TNFRSF21: variants seen among roughly 807,000 people sequenced by gnomAD.
The protein encoded by TNFRSF21 is TNF receptor superfamily member 21.
A neutral mutation model predicts 45.6 loss-of-function variants in TNFRSF21; 19 were observed. That is an observed-to-expected ratio of 0.42 (90% confidence interval 0.29 to 0.61). The LOEUF is 0.61. Among genes scored for constraint, TNFRSF21 ranks in the 20% least tolerant of loss-of-function variants. The pLI is 0.23. For missense variants in TNFRSF21, 737 were observed against 851.5 expected, an observed-to-expected ratio of 0.87 and a Z score of 1.67; for synonymous variants, 314 against 335.5, an observed-to-expected ratio of 0.94 and a Z score of 0.70.
chr6:47,288,558 C>A (rs149942883), intron 1 of TNFRSF21, among the ~76,000 whole-genome samples: 12 of 147,878 alleles, frequency 8.1e-5, no homozygotes, highest in African/African-American at 3.1e-4. Flanking sequence ...AAAAATAAAG[C>A]GGTAGAAACA....
intron 3 of TNFRSF21, among the ~76,000 whole-genome samples, chr6:47,265,909 T>C (rs1237705010): frequency 6.6e-6 from 1 of 152,210 alleles, no homozygotes. Flanking sequence ...CCTAACACAC[T>C]TGATTTGTTC....
intron 3 of TNFRSF21, among the ~76,000 whole-genome samples, chr6:47,276,315 A>C (rs1762497871): frequency 6.6e-6 from 1 of 152,198 alleles, no homozygotes; most frequent in Non-Finnish European, 1.5e-5. Flanking sequence ...GAGAAAATAC[A>C]AGGACAGCTG....
Position 47,232,796 on chromosome 6 carries a change from G to A in TNFRSF21, c.1937C>T (p.Ser646Phe). 1 of 1,614,138 alleles carries A rather than the reference G, an allele frequency of 6.2e-7. No homozygotes were observed. The highest frequency in any genetic ancestry group is 1.1e-5 in the South Asian group (1 of 91,078). Reference protein sequence around the residue: ...SQEASQTLLDSVYSHLPDLL With the variant: ...SQEASQTLLDFVYSHLPDLL ...CAGGTCAGGAAGATGGCTATAAACAGAGTCCAGGAGGGTCTGGCTGGCTTC... is the reference window on the plus strand; with the variant it reads ...CAGGTCAGGAAGATGGCTATAAACAAAGTCCAGGAGGGTCTGGCTGGCTTC... Residue 646 changes from serine (S) to phenylalanine (F), a missense_variant, in exon 6 of 6, where the codon TCT becomes TTT. Ser to Phe is a radical substitution (Grantham distance 155, BLOSUM62 -2). Coordinates refer to ENST00000296861, the MANE Select transcript of TNFRSF21 (RefSeq NM_014452.5).
intron 3 of TNFRSF21, among the ~76,000 whole-genome samples, chr6:47,259,579 T>C (rs9369671): frequency 0.087 from 13,262 of 152,224 alleles, 1,382 homozygotes; most frequent in East Asian, 0.48. Context: ...TTCATCATGT[T>C]GGCCAGACTG....
intron 4 of TNFRSF21, among the ~76,000 whole-genome samples, chr6:47,244,073 G>GGC (rs1399668188): frequency 6.6e-6 from 1 of 152,196 alleles, no homozygotes; most frequent in East Asian, 1.9e-4. Context: ...TGTAATCCCA[G>GGC]CACTTCGGGA....
Position 47,253,394 on chromosome 6 carries a change from C to G in TNFRSF21, c.1371G>C (p.Glu457Asp). The G allele has an allele frequency of 6.2e-7, 1 of 1,614,178 alleles. No individual in the cohort carries two copies. The highest frequency in any genetic ancestry group is 8.5e-7 in the Non-Finnish European group (1 of 1,180,028). Reference protein sequence around the residue: ...AFSNGYTADHERAYAALQHWT... With the variant: ...AFSNGYTADHDRAYAALQHWT... The stretch of plus-strand genomic sequence containing the variant: ...AGTGCTGCAGAGCTGCGTAGGCCCG[C>G]TCGTGGTCGGCTGTGTACCCATTGG... Residue 457 changes from glutamate to aspartate, a missense_variant, in exon 4 of 6, where the codon GAG becomes GAC. Coordinates refer to ENST00000296861, the MANE Select transcript of TNFRSF21 (RefSeq NM_014452.5).
chr6:47,302,531 T>C (rs937208436), intron 1 of TNFRSF21, among the ~76,000 whole-genome samples: 4 of 152,210 alleles, frequency 2.6e-5, no homozygotes, highest in African/African-American at 9.6e-5. Flanking sequence ...TCTTTCCATC[T>C]TAGCGATGGC....
At chr6:47,269,995 A>G (rs1343654502) in intron 3 of TNFRSF21, among the ~76,000 whole-genome samples, 1 of 152,212 alleles carries the variant, frequency 6.6e-6, no homozygotes, top group Non-Finnish European at 1.5e-5. Context: ...CACAAGTATC[A>G]CTTTTAGATT....
chr6:47,297,349 G>A (rs1344186414), intron 1 of TNFRSF21, among the ~76,000 whole-genome samples: 1 of 152,130 alleles, frequency 6.6e-6, no homozygotes, highest in East Asian at 1.9e-4. Flanking sequence ...TACAGATAAA[G>A]CAGGCAAAAC....
In TNFRSF21 at chr6:47,231,972, C is replaced by T. The variant is rs1764590196; in HGVS notation, c.*793G>A. ...AGGTGAAGTTCAAGTTCTTTGGTGG[C>T]CCAGTTGTCAAGCCACTTAAATAGC... On this transcript the variant is annotated 3_prime_UTR_variant, in exon 6 of 6. Transcript: ENST00000296861. 1 of 152,600 alleles carries T rather than the reference C, an allele frequency of 6.6e-6. No homozygotes were observed. Among genetic ancestry groups the T allele is most frequent in the Non-Finnish European group, 1.5e-5 (1 of 68,056 alleles). 9.5% of individuals were successfully genotyped at this position (152,600 alleles called of 1,614,324 possible).
At chr6:47,269,943 A>G (rs1366831154) in intron 3 of TNFRSF21, among the ~76,000 whole-genome samples, 1 of 152,122 alleles carries the variant, frequency 6.6e-6, no homozygotes, top group African/African-American at 2.4e-5. Context: ...TATTTCTATA[A>G]CCCCAGCCTC....
At chr6:47,278,046 GTGTCCA>G (rs1762522722) in intron 3 of TNFRSF21, among the ~76,000 whole-genome samples, 1 of 152,186 alleles carries the variant, frequency 6.6e-6, no homozygotes, top group South Asian at 2.1e-4. Context: ...CTGCTCTCCA[GTGTCCA>G]TGGGCTGATG....
rs1762598819 is a variant in TNFRSF21 at position 47,283,590 on chromosome 6, A to G, written c.1243+348T>C. Among the ~76,000 whole-genome samples the G allele has an allele frequency of 2.0e-5, 3 of 152,304 alleles. No homozygotes were observed. In the South Asian group the frequency reaches 6.2e-4, roughly 32 times the overall value. ...GTCCCATCTGTCCTCAAAAACAACT[A>G]GCCTCTTGTTTGGATCAATGTTGCC... On this transcript the variant is annotated intron_variant, in intron 3 of 5. Coordinates refer to ENST00000296861, the MANE Select transcript of TNFRSF21 (RefSeq NM_014452.5).
At chr6:47,243,580 G>C (rs1325507090) in intron 4 of TNFRSF21, among the ~76,000 whole-genome samples, 1 of 152,070 alleles carries the variant, frequency 6.6e-6, no homozygotes. Context: ...ACCAGGCCCA[G>C]ATGATTTTTG....
chr6:47,275,506 G>A (rs960728193), intron 3 of TNFRSF21, among the ~76,000 whole-genome samples: 16 of 152,088 alleles, frequency 1.1e-4, no homozygotes, highest in African/African-American at 2.7e-4. Context: ...GCCTGTTGGG[G>A]GGTGGCGGAC....
intron 3 of TNFRSF21, 125 bp downstream of exon 3, chr6:47,283,813 T>TC: frequency 8.2e-7 from 1 of 1,216,234 alleles, no homozygotes; most frequent in Non-Finnish European, 1.2e-6. Flanking sequence ...CACGACTAGA[T>TC]CAAGTAGTGT....
At chr6:47,234,633 T>C (rs1444438775) in intron 5 of TNFRSF21, 37 bp downstream of exon 5, 4 of 1,535,042 alleles carry the variant, frequency 2.6e-6, no homozygotes, top group Non-Finnish European at 3.6e-6. Context: ...TTTGGGGGGT[T>C]TAAGTGCGTG....
intron 4 of TNFRSF21, among the ~76,000 whole-genome samples, chr6:47,242,876 T>C (rs1484628001): frequency 1.3e-5 from 2 of 152,208 alleles, no homozygotes. Context: ...CCATTGGAAA[T>C]TCCTTAGGTT....
rs1334009676 is a variant in TNFRSF21, at chr6:47,250,303, GT to G, written c.1509+2952del. 3.3e-5 allele frequency among the ~76,000 whole-genome samples: 5 copies of G among 152,298 alleles called. No individual in the cohort carries two copies. The East Asian group carries it at 9.6e-4, about 29-fold the overall frequency. On this transcript the variant is annotated intron_variant, in intron 4 of 5. Coordinates refer to ENST00000296861, the MANE Select transcript of TNFRSF21 (RefSeq NM_014452.5). ...AATAACTTACAACTATTATCCCACTGTTTTGCTGCTTATTCCAAATGCTCAT... is the reference window on the plus strand; with the variant it reads ...AATAACTTACAACTATTATCCCACTGTTTGCTGCTTATTCCAAATGCTCAT...
Sources: gnomAD v4.1 joint callset for allele counts (sites outside exome capture counted in the v4.1 genomes callset) on GRCh38, gnomAD v4.1.1 for gene constraint, MANE v1.5 for transcripts, NCBI Gene and HGNC (gene_info 2026-07-23, HGNC 2026-07-21) for gene names.